Variants in STMN2 observed in about 807,000 individuals in gnomAD.
STMN2 encodes stathmin-2.
A neutral mutation model predicts 24.1 loss-of-function variants in STMN2; 2 were observed. The ratio of observed to expected loss-of-function variants is 0.08; its 90% CI spans 0.03 to 0.26. The LOEUF (loss-of-function observed/expected upper bound fraction) is 0.26, where lower values mean the gene tolerates loss of function less well. Ranked by LOEUF, STMN2 falls within the 10% of genes least tolerant of loss-of-function variation. The pLI, the probability that STMN2 is intolerant of heterozygous loss-of-function variation, is 1.00. For synonymous variants in STMN2, 83 were observed against 77.5 expected (o/e 1.07, Z -0.37); for missense variants, 114 against 213.6 (o/e 0.53, Z 2.91).
intron 1 of STMN2, among the ~76,000 whole-genome samples, chr8:79,614,424 G>A (rs1563431416): frequency 6.6e-6 from 1 of 152,076 alleles, no homozygotes; most frequent in Admixed American, 6.6e-5. Flanking sequence ...CTGAGGATTT[G>A]GTCAGAATTT....
At chr8:79,658,860 CA>C (rs1806437838) in intron 4 of STMN2, among the ~76,000 whole-genome samples, 1 of 152,204 alleles carries the variant, frequency 6.6e-6, no homozygotes, top group African/African-American at 2.4e-5. Flanking sequence ...AAGCCTAAAG[CA>C]AAAGCAGCCC....
intron 4 of STMN2, among the ~76,000 whole-genome samples, chr8:79,659,173 A>G (rs1408669311): frequency 6.6e-6 from 1 of 152,194 alleles, no homozygotes; most frequent in Admixed American, 6.5e-5. Context: ...ACTCCAGGCT[A>G]TTATATAGAA....
intron 4 of STMN2, among the ~76,000 whole-genome samples, chr8:79,662,137 A>C (rs1381901021): frequency 1.3e-5 from 2 of 152,142 alleles, no homozygotes; most frequent in Non-Finnish European, 2.9e-5. Flanking sequence ...AAAGAATTAG[A>C]GGACCAGAAT....
intron 4 of STMN2, among the ~76,000 whole-genome samples, chr8:79,660,449 G>C (rs959566698): frequency 1.3e-5 from 2 of 152,088 alleles, no homozygotes; most frequent in African/African-American, 4.8e-5. Context: ...ATGAAGTACA[G>C]TACTTAGGAA....
At chr8:79,632,438 T>G (rs1809826312) in intron 1 of STMN2, among the ~76,000 whole-genome samples, 1 of 152,166 alleles carries the variant, frequency 6.6e-6, no homozygotes, top group Non-Finnish European at 1.5e-5. Context: ...CCCGCTAGAC[T>G]AATATGATTG....
At chr8:79,663,355 C>T (rs1327181718) in intron 4 of STMN2, among the ~76,000 whole-genome samples, 1 of 152,158 alleles carries the variant, frequency 6.6e-6, no homozygotes, top group Non-Finnish European at 1.5e-5. Context: ...GTTACTTACC[C>T]TTCCTGTGTT....
chr8:79,612,515 T>A (rs570512296), intron 1 of STMN2, among the ~76,000 whole-genome samples: 1 of 152,202 alleles, frequency 6.6e-6, no homozygotes, highest in Admixed American at 6.5e-5. Context: ...GTGCCAAATA[T>A]CGGCAATTTC....
chr8:79,641,176 T>C (rs776126293), intron 2 of STMN2, among the ~76,000 whole-genome samples: 1 of 152,250 alleles, frequency 6.6e-6, no homozygotes, highest in Non-Finnish European at 1.5e-5. Flanking sequence ...ATATTTATTC[T>C]GTTAAAATAT....
chr8:79,648,661 T>C (rs1467449539), intron 3 of STMN2, among the ~76,000 whole-genome samples: 2 of 151,932 alleles, frequency 1.3e-5, no homozygotes, highest in East Asian at 3.9e-4. Flanking sequence ...CAAGGTTTTG[T>C]CATGTTGGCC....
chr8:79,614,047 C>A (rs1050256169), intron 1 of STMN2, among the ~76,000 whole-genome samples: 10 of 152,114 alleles, frequency 6.6e-5, no homozygotes, highest in African/African-American at 2.4e-4. Flanking sequence ...TGAAACTGTT[C>A]TTCCAACTGC....
chr8:79,630,241 C>T (rs751585093), intron 1 of STMN2, among the ~76,000 whole-genome samples: 4 of 152,144 alleles, frequency 2.6e-5, no homozygotes, highest in Admixed American at 6.5e-5. Context: ...TCAACTGGCC[C>T]ATGAACTAAA....
At chr8:79,654,802 T>C (rs957301111) in intron 3 of STMN2, 69 bp from the exon 4 acceptor site, 24 of 1,518,164 alleles carry the variant, frequency 1.6e-5, no homozygotes, top group African/African-American at 4.2e-5. Context: ...CTCCCTCCAA[T>C]TGGTGGGCCG....
chr8:79,657,964 G>A (rs17452891), intron 4 of STMN2, among the ~76,000 whole-genome samples: 2,298 of 152,282 alleles, frequency 0.015, 19 homozygotes, highest in Non-Finnish European at 0.026. Flanking sequence ...CACTGCCAAC[G>A]TAACATAAGC....
At chr8:79,652,048 G>A (rs564916164) in intron 3 of STMN2, among the ~76,000 whole-genome samples, 3 of 152,362 alleles carry the variant, frequency 2.0e-5, no homozygotes, top group Admixed American at 1.3e-4. Flanking sequence ...TTTAGCAGCT[G>A]TGGCTGATGG....
intron 3 of STMN2, among the ~76,000 whole-genome samples, chr8:79,646,434 T>G (rs187256475): frequency 6.6e-6 from 1 of 151,560 alleles, no homozygotes. Context: ...CTATATATAA[T>G]AATATAATTA....
At chr8:79,660,172 A>G (rs1425183843) in intron 4 of STMN2, among the ~76,000 whole-genome samples, 1 of 152,220 alleles carries the variant, frequency 6.6e-6, no homozygotes, top group Non-Finnish European at 1.5e-5. Context: ...AGGAACCATC[A>G]GACAGCAGGA....
At chr8:79,646,495 A>G (rs936630554) in intron 3 of STMN2, among the ~76,000 whole-genome samples, 4 of 152,088 alleles carry the variant, frequency 2.6e-5, no homozygotes. Context: ...AAAGAAGCAC[A>G]AAGGTAGCAA....
intron 2 of STMN2, among the ~76,000 whole-genome samples, chr8:79,637,541 A>G (rs1034616479): frequency 6.6e-6 from 1 of 152,222 alleles, no homozygotes; most frequent in Non-Finnish European, 1.5e-5. Flanking sequence ...TCTTGGTCAA[A>G]TAGATACTTG....
intron 2 of STMN2, among the ~76,000 whole-genome samples, chr8:79,641,117 AC>A (rs1213349922): frequency 6.6e-6 from 1 of 152,220 alleles, no homozygotes; most frequent in Non-Finnish European, 1.5e-5. Flanking sequence ...AAGTATGCTT[AC>A]CGTTATTCAA....
Sources: gnomAD v4.1 joint callset for allele counts (sites outside exome capture counted in the v4.1 genomes callset) on GRCh38, gnomAD v4.1.1 for gene constraint, MANE v1.5 for transcripts, NCBI Gene and HGNC (gene_info 2026-07-23, HGNC 2026-07-21) for gene names.